The following FRMPD1 variants were observed in gnomAD, a reference collection of about 807,000 sequenced individuals.
FRMPD1 encodes the protein FERM and PDZ domain containing 1.
FRMPD1 carries 76 observed loss-of-function variants against 117.8 expected under a neutral mutation model. The observed-to-expected ratio is 0.65, with a 90% CI of 0.54 to 0.78. The LOEUF is 0.78. Among genes scored for constraint, FRMPD1 ranks in the 30% least tolerant of loss-of-function variants. FRMPD1 has a pLI of 0.00. For missense variants in FRMPD1, 1,786 were observed against 1,964.5 expected (o/e 0.91, Z 1.72); for synonymous variants, 783 against 770.4 (o/e 1.02, Z -0.27).
chr9:37,653,916 A>G (rs549378963), intron 1 of FRMPD1, among the ~76,000 whole-genome samples: 1 of 152,270 alleles, frequency 6.6e-6, no homozygotes, highest in South Asian at 2.1e-4. Context: ...AGCTATGATC[A>G]GGCCACTGCA....
At position 37,732,457 on chromosome 9, in the gene FRMPD1, G is replaced by A; in HGVS notation, c.995+17G>A. 1 of 1,585,110 alleles carries A rather than the reference G, an allele frequency of 6.3e-7. No homozygotes were observed. The highest frequency in any genetic ancestry group is 1.1e-5 in the South Asian group (1 of 88,016). On this transcript the variant is annotated intron_variant, in intron 10 of 15. Transcript: ENST00000377765. ...GTATATAGAGTGAGTGGCAGGGGAT[G>A]GCAGCTGCATTGCATTTATAACTTG...
chr9:37,745,486 T>C lies in FRMPD1; in HGVS notation c.3454T>C (p.Ser1152Pro), dbSNP rs751786431. The change falls in exon 16 of 16, where the codon TCT becomes CCT. Residue 1152 changes from serine to proline, a missense_variant. Transcript: ENST00000377765. The part of the protein sequence containing the change: ...NNVSQTLDIS[S>P]PAGKIVTSLS... The stretch of plus-strand genomic sequence containing the variant: ...TGTTTCACAGACTCTTGATATTAGC[T>C]CTCCAGCTGGTAAAATAGTAACCTC... 1.9e-6 allele frequency: 3 copies of C among 1,613,942 alleles called. No individual in the cohort carries two copies. The highest frequency in any genetic ancestry group is 1.7e-6 in the Non-Finnish European group (2 of 1,179,938).
rs57388208 is a variant in FRMPD1 at position 37,736,531 on chromosome 9, C to CAA, written c.1402-548_1402-547dup. 6.1e-3 allele frequency among the ~76,000 whole-genome samples: 537 copies of CAA among 88,548 alleles called. 6 individuals carry two copies. Among genetic ancestry groups the CAA allele is most frequent in the African/African-American group, 0.019 (502 of 26,714 alleles). 58.1% of individuals were successfully genotyped at this position (88,548 alleles called of 152,430 possible). On this transcript the variant is annotated intron_variant, in intron 13 of 15. Transcript: ENST00000377765. ...TGGTGACAAGAGCAAAACTCTGTCTCAAAAAAAAAAAAAAAAAAGGTAACT... is the reference window on the plus strand; with the variant it reads ...TGGTGACAAGAGCAAAACTCTGTCTCAAAAAAAAAAAAAAAAAAAAGGTAACT...
chr9:37,727,024 C>T (rs560184872), intron 7 of FRMPD1, among the ~76,000 whole-genome samples: 7 of 152,184 alleles, frequency 4.6e-5, no homozygotes, highest in African/African-American at 7.2e-5. Flanking sequence ...CCGGGCACGG[C>T]GAACAACACC....
chr9:37,729,382 CAAAAAAAAA>C (rs60967717), intron 7 of FRMPD1, among the ~76,000 whole-genome samples: 2,121 of 54,752 alleles, frequency 0.039, 44 homozygotes, highest in South Asian at 0.088. Flanking sequence ...GAGACCCTCT[CAAAAAAAAA>C]AAAAAAAAAA....
chr9:37,690,772 A>G (rs1350608835), intron 1 of FRMPD1, among the ~76,000 whole-genome samples: 2 of 152,126 alleles, frequency 1.3e-5, no homozygotes, highest in East Asian at 1.9e-4. Context: ...AAAGAAATTT[A>G]TTTCTCACAA....
chr9:37,668,916 T>A (rs1008689778), intron 1 of FRMPD1, among the ~76,000 whole-genome samples: 2 of 152,352 alleles, frequency 1.3e-5, no homozygotes, highest in Admixed American at 6.5e-5. Context: ...TTAAATACTT[T>A]TGGAACTAAC....
intron 5 of FRMPD1, among the ~76,000 whole-genome samples, chr9:37,715,008 CATT>C (rs376537005): frequency 1.8e-4 from 27 of 152,224 alleles, no homozygotes; most frequent in East Asian, 9.6e-4. Context: ...CAAGGAGCCT[CATT>C]GTTGTCGTGG....
intron 2 of FRMPD1, among the ~76,000 whole-genome samples, chr9:37,699,319 CTCTTT>C (rs1563937565): frequency 7.5e-6 from 1 of 133,308 alleles, no homozygotes; most frequent in Non-Finnish European, 1.8e-5. Flanking sequence ...CTCTGTCTCT[CTCTTT>C]TTTTTTTTTT....
chr9:37,654,796 A>G (rs958878742), intron 1 of FRMPD1, among the ~76,000 whole-genome samples: 2 of 152,218 alleles, frequency 1.3e-5, no homozygotes, highest in African/African-American at 4.8e-5. Flanking sequence ...GGGAGACTCA[A>G]GAGCAGGCTC....
intron 2 of FRMPD1, among the ~76,000 whole-genome samples, 177 bp downstream of exon 2, chr9:37,692,919 A>C (rs1215500331): frequency 1.3e-5 from 2 of 152,018 alleles, no homozygotes; most frequent in African/African-American, 4.8e-5. Flanking sequence ...TTTTCCCTGT[A>C]CCCTACCCCC....
At chr9:37,650,831 G>A (rs1182297320), upstream of FRMPD1, among the ~76,000 whole-genome samples, 2 of 148,932 alleles carry the variant, frequency 1.3e-5, no homozygotes, top group South Asian at 4.1e-4. Context: ...TCCTCCCCCG[G>A]GGCGGGGGTC....
At chr9:37,637,263 G>A in the FRMPD1 span, 5 of 1,603,666 alleles carry the variant, frequency 3.1e-6, no homozygotes, top group Admixed American at 1.7e-5. Context: ...ATCAAAAGCA[G>A]CTTAAACAGG....
intron 1 of FRMPD1, among the ~76,000 whole-genome samples, chr9:37,655,245 G>C (rs1160083056): frequency 2.6e-5 from 4 of 152,158 alleles, no homozygotes; most frequent in Non-Finnish European, 4.4e-5. Flanking sequence ...AAGTAACAGT[G>C]ACCAAGCCCT....
At chr9:37,660,224 G>C (rs545977161) in intron 1 of FRMPD1, among the ~76,000 whole-genome samples, 1 of 152,312 alleles carries the variant, frequency 6.6e-6, no homozygotes, top group South Asian at 2.1e-4. Context: ...CCTGCGGCTG[G>C]AAGTAAGTCA....
chr9:37,719,262 GC>G, intron 6 of FRMPD1, 86 bp downstream of exon 6: 1 of 828,964 alleles, frequency 1.2e-6, no homozygotes. Flanking sequence ...GAATTCCACA[GC>G]ACAGAGGGTG....
intron 1 of FRMPD1, among the ~76,000 whole-genome samples, chr9:37,656,585 C>G (rs767694765): frequency 6.6e-6 from 1 of 152,106 alleles, no homozygotes; most frequent in African/African-American, 2.4e-5. Flanking sequence ...TTTACTGTAT[C>G]CTGAGATATA....
chr9:37,720,625 C>T (rs577006411), intron 6 of FRMPD1, among the ~76,000 whole-genome samples: 2 of 152,034 alleles, frequency 1.3e-5, no homozygotes, highest in South Asian at 2.1e-4. Context: ...GCCGAGATCG[C>T]GCCACTGCAC....
At chr9:37,612,895 C>T in the FRMPD1 span, among the ~76,000 whole-genome samples, 11 of 152,252 alleles carry the variant, frequency 7.2e-5, no homozygotes, top group South Asian at 1.2e-3. Flanking sequence ...AGGACTGCCA[C>T]GGGGCAGAGG....
Sources: allele counts gnomAD v4.1 joint callset (sites outside exome capture counted in the v4.1 genomes callset), GRCh38; gene constraint gnomAD v4.1.1; transcripts MANE v1.5; gene names NCBI Gene and HGNC (gene_info 2026-07-23, HGNC 2026-07-21).